Variants in EPHA5 observed in about 807,000 individuals in gnomAD.
EPHA5 encodes EPH receptor A5, also known as ephrin type-A receptor 5.
Under a neutral mutation model 105.0 loss-of-function variants are expected in EPHA5, and 60 were observed. The ratio of observed to expected loss-of-function variants is 0.57; its 90% CI spans 0.46 to 0.71. EPHA5 has a LOEUF of 0.71. Ranked by LOEUF, EPHA5 falls within the 30% of genes least tolerant of loss-of-function variation. EPHA5 has a pLI of 0.00. For synonymous variants in EPHA5, 513 were observed against 449.1 expected, an observed-to-expected ratio of 1.14 and a Z score of -1.80; for missense variants, 1,218 against 1,274.7, an observed-to-expected ratio of 0.96 and a Z score of 0.68.
intron 3 of EPHA5, among the ~76,000 whole-genome samples, chr4:65,578,214 C>A (rs989926795): frequency 6.6e-6 from 1 of 152,080 alleles, no homozygotes; most frequent in Non-Finnish European, 1.5e-5. Context: ...GTACTCCACC[C>A]CCATCCCTAG....
intron 5 of EPHA5, among the ~76,000 whole-genome samples, chr4:65,443,608 G>A (rs1470214958): frequency 6.6e-6 from 1 of 152,072 alleles, no homozygotes; most frequent in Non-Finnish European, 1.5e-5. Flanking sequence ...GCTGGTTCTA[G>A]CAATGCCTAA....
At chr4:65,425,808 C>T (rs945607568) in intron 5 of EPHA5, among the ~76,000 whole-genome samples, 1 of 151,858 alleles carries the variant, frequency 6.6e-6, no homozygotes, top group African/African-American at 2.4e-5. Flanking sequence ...ATTATTTCTG[C>T]TTATATTTGG....
chr4:65,645,058 A>AT (rs1464740721), intron 1 of EPHA5, among the ~76,000 whole-genome samples: 1 of 152,078 alleles, frequency 6.6e-6, no homozygotes, highest in African/African-American at 2.4e-5. Context: ...TCTTTAAAAA[A>AT]CAAACAAAAA....
At position 65,452,487 on chromosome 4, in the gene EPHA5, G is replaced by C. The variant is rs182064662; in HGVS notation, c.1403-31922C>G. Among the ~76,000 whole-genome samples the C allele has an allele frequency of 9.2e-5, 14 of 151,646 alleles. No individual in the cohort carries two copies. The East Asian group carries it at 2.7e-3, about 29-fold the overall frequency. On this transcript the variant is annotated intron_variant, in intron 5 of 16. Coordinates refer to ENST00000613740, the MANE Select transcript of EPHA5 (RefSeq NM_001281766.3). ...CATAAACACACACACTCCAGCGAAG[G>C]ACAGAGAAGGGTAGTTACTCTAAGT...
chr4:65,428,614 G>A (rs550609048), intron 5 of EPHA5, among the ~76,000 whole-genome samples: 28 of 152,180 alleles, frequency 1.8e-4, no homozygotes, highest in African/African-American at 6.7e-4. Flanking sequence ...AGTAGTTCTA[G>A]AGAGACGGTA....
chr4:65,554,677 A>C (rs925591798), intron 3 of EPHA5, among the ~76,000 whole-genome samples: 1 of 151,882 alleles, frequency 6.6e-6, no homozygotes, highest in African/African-American at 2.4e-5. Flanking sequence ...TGGCCAATGA[A>C]TGTCTCCATC....
intron 1 of EPHA5, among the ~76,000 whole-genome samples, chr4:65,651,940 A>G (rs1049071109): frequency 6.6e-6 from 1 of 152,188 alleles, no homozygotes; most frequent in African/African-American, 2.4e-5. Context: ...ATTATGACTA[A>G]TGAGCAGTCT....
chr4:65,568,226 A>C lies in EPHA5; in HGVS notation c.910+33415T>G, dbSNP rs951512930. Among the ~76,000 whole-genome samples the C allele has an allele frequency of 2.0e-5, 3 of 151,598 alleles. No homozygotes were observed. The East Asian group carries it at 5.8e-4, about 29-fold the overall frequency. On this transcript the variant is annotated intron_variant, in intron 3 of 16. Transcript: ENST00000613740. ...GGTAGATAGCTCATTGAGGAAGTAA[A>C]GTACACCCTTTAAAGTGTGGTTCCA...
chr4:65,410,525 G>C (rs1055743833), intron 7 of EPHA5, among the ~76,000 whole-genome samples: 1 of 152,054 alleles, frequency 6.6e-6, no homozygotes, highest in African/African-American at 2.4e-5. Context: ...ACACAAACTT[G>C]TACAAGTGAC....
At chr4:65,525,827 T>C (rs528657577) in intron 3 of EPHA5, among the ~76,000 whole-genome samples, 3 of 151,886 alleles carry the variant, frequency 2.0e-5, no homozygotes, top group Admixed American at 1.3e-4. Flanking sequence ...ACAAGTACCA[T>C]GGGATTTTTT....
At chr4:65,437,769 T>C (rs1257940835) in intron 5 of EPHA5, among the ~76,000 whole-genome samples, 2 of 151,988 alleles carry the variant, frequency 1.3e-5, no homozygotes, top group South Asian at 4.1e-4. Context: ...ATTTGTAAAA[T>C]TGGGGTTATA....
chr4:65,662,238 C>T (rs1560836946), intron 1 of EPHA5, among the ~76,000 whole-genome samples: 1 of 152,092 alleles, frequency 6.6e-6, no homozygotes, highest in African/African-American at 2.4e-5. Flanking sequence ...TGTATTTTCT[C>T]TAAATCTTCC....
chr4:65,554,433 A>G (rs4429774), intron 3 of EPHA5, among the ~76,000 whole-genome samples: 72,941 of 150,812 alleles, frequency 0.48, 18,088 homozygotes, highest in Non-Finnish European at 0.53. Context: ...AATGTACAAA[A>G]TTAATTTTCA....
chr4:65,630,926 A>G (rs1421831492), intron 2 of EPHA5, among the ~76,000 whole-genome samples: 1 of 152,174 alleles, frequency 6.6e-6, no homozygotes, highest in Non-Finnish European at 1.5e-5. Flanking sequence ...CCCTGTAAGG[A>G]TAATATTTTA....
intron 3 of EPHA5, among the ~76,000 whole-genome samples, chr4:65,560,767 T>C (rs1738923261): frequency 6.6e-6 from 1 of 152,056 alleles, no homozygotes; most frequent in Non-Finnish European, 1.5e-5. Flanking sequence ...TAGACATAAT[T>C]CCTGCCTGTT....
chr4:65,332,897 T>A (rs938308849), intron 15 of EPHA5, among the ~76,000 whole-genome samples: 2 of 151,898 alleles, frequency 1.3e-5, no homozygotes, highest in African/African-American at 4.8e-5. Flanking sequence ...TAAATTTATC[T>A]GGAAGTTAAG....
Position 65,362,585 on chromosome 4 carries a change from G to A in EPHA5, c.2173+2432C>T, listed in dbSNP as rs569370501. Among the ~76,000 whole-genome samples, 92 of 151,758 alleles carry A rather than the reference G, an allele frequency of 6.1e-4. 2 individuals are homozygous for A. In the South Asian group the frequency reaches 0.019, roughly 31 times the overall value. Reference sequence around the variant, plus strand: ...ATCATCCAGCAGAATATTTGATTAAGAGATCAGAAATTTAAAACTGCCTTT... The same window carrying A: ...ATCATCCAGCAGAATATTTGATTAAAAGATCAGAAATTTAAAACTGCCTTT... On this transcript the variant is annotated intron_variant, in intron 11 of 16. Transcript: ENST00000613740.
At chr4:65,604,837 A>G (rs950151576) in intron 2 of EPHA5, among the ~76,000 whole-genome samples, 1 of 152,120 alleles carries the variant, frequency 6.6e-6, no homozygotes, top group Non-Finnish European at 1.5e-5. Context: ...ACAGGATATT[A>G]CAGTAACTTA....
At chr4:65,658,663 C>A (rs1168461211) in intron 1 of EPHA5, among the ~76,000 whole-genome samples, 1 of 151,936 alleles carries the variant, frequency 6.6e-6, no homozygotes, top group East Asian at 1.9e-4. Flanking sequence ...TTATAATAAT[C>A]CCATTTCACA....
Sources: gnomAD v4.1 joint callset for allele counts (sites outside exome capture counted in the v4.1 genomes callset) on GRCh38, gnomAD v4.1.1 for gene constraint, MANE v1.5 for transcripts, NCBI Gene and HGNC (gene_info 2026-07-23, HGNC 2026-07-21) for gene names.